ZNF578: variants seen among roughly 807,000 people sequenced by gnomAD.
ZNF578 encodes Putative chemokine-related protein B42.
A neutral mutation model predicts 8.3 loss-of-function variants in ZNF578; 8 were observed. That is an observed-to-expected ratio of 0.96 (90% CI 0.56 to 1.74). The LOEUF (loss-of-function observed/expected upper bound fraction) is 1.74, where lower values mean the gene tolerates loss of function less well. Among genes scored for constraint, ZNF578 ranks in the 40% most tolerant of loss-of-function variants. The probability of loss-of-function intolerance (pLI) is 0.00; values close to 1 mark genes in which losing one functional copy is unlikely to be tolerated. For missense variants in ZNF578, 726 were observed against 707.5 expected (o/e 1.03, Z -0.30); for synonymous variants, 206 against 232.2 (o/e 0.89, Z 1.03).
intron 2 of ZNF578, chr19:52,473,538 T>C: frequency 6.2e-6 from 1 of 160,890 alleles, no homozygotes; most frequent in Non-Finnish European, 1.4e-5. Flanking sequence ...GAATGCACAC[T>C]AAATGCTTAG....
chr19:52,510,813 A>G lies in ZNF578; in HGVS notation c.432A>G (p.Gln144=), dbSNP rs777054855. 3 of 1,614,090 alleles carry G rather than the reference A, an allele frequency of 1.9e-6. No homozygotes were observed. The highest frequency in any genetic ancestry group is 2.2e-5 in the East Asian group (1 of 44,894). ...TGGGTAGCACAGACCGACATGATCA[A>G]AGGCATGCTGGAAACAAGCCTATTA... ...ELMGSTDRHD[Q]RHAGNKPIKD... is the part of the protein sequence containing the mutation. The change falls in exon 6 of 6, where the codon CAA becomes CAG. Residue 144 remains glutamine (Q), a synonymous_variant. Transcript: ENST00000421239.
chr19:52,481,201 G>A (rs906001910), intron 2 of ZNF578, among the ~76,000 whole-genome samples: 1 of 152,090 alleles, frequency 6.6e-6, no homozygotes, highest in African/African-American at 2.4e-5. Flanking sequence ...ATCGGCTGCG[G>A]CAGACTCCTC....
Position 52,510,962 on chromosome 19 carries a change from A to G in ZNF578, c.581A>G (p.Gln194Arg), listed in dbSNP as rs1281301901. The G allele has an allele frequency of 5.0e-6, 8 of 1,614,198 alleles. No individual in the cohort carries two copies. The highest frequency in any genetic ancestry group is 6.8e-6 in the Non-Finnish European group (8 of 1,180,026). ...GATGCTTCCTCAATTTCAACATCCCAAAGAATTTCTTGTAGGCCTGAAACA... is the reference window on the plus strand; with the variant it reads ...GATGCTTCCTCAATTTCAACATCCCGAAGAATTTCTTGTAGGCCTGAAACA... ...VNDASSISTS[Q>R]RISCRPETHT... Residue 194 changes from glutamine to arginine, a missense_variant, in exon 6 of 6, where the codon CAA becomes CGA. Physicochemically the swap from Gln to Arg is conservative, Grantham distance 43. Transcript: ENST00000421239.
At chr19:52,508,370 G>T (rs1942959258) in intron 5 of ZNF578, among the ~76,000 whole-genome samples, 1 of 151,762 alleles carries the variant, frequency 6.6e-6, no homozygotes, top group African/African-American at 2.4e-5. Flanking sequence ...GAGAGAAAGA[G>T]AAAGTGAAAG....
In ZNF578 at chr19:52,511,365, A is replaced by G. The variant is rs762242627; in HGVS notation, c.984A>G (p.Ser328=). The G allele has an allele frequency of 1.2e-6, 2 of 1,614,002 alleles. No homozygotes were observed. The highest frequency in any genetic ancestry group is 2.7e-5 in the African/African-American group (2 of 74,938). Residue 328 remains serine (S), a synonymous_variant, in exon 6 of 6, where the codon TCA becomes TCG. Transcript: ENST00000421239. The stretch of plus-strand genomic sequence containing the variant: ...GTGGAAAGTCCTTCAGTTACAAGTC[A>G]TCCCTTACATGCCATCATAGGTGTC... The part of the protein sequence containing the change: ...NECGKSFSYK[S]SLTCHHRCHT...
chr19:52,506,086 A>G (rs1042088704), intron 5 of ZNF578, among the ~76,000 whole-genome samples: 11 of 151,996 alleles, frequency 7.2e-5, no homozygotes, highest in African/African-American at 2.4e-4. Flanking sequence ...TCTATTACAG[A>G]TGGCAGTTTC....
chr19:52,496,056 G>C (rs1170492248), intron 3 of ZNF578, among the ~76,000 whole-genome samples: 8 of 151,970 alleles, frequency 5.3e-5, no homozygotes, highest in Non-Finnish European at 8.8e-5. Context: ...GTCTCTCTCT[G>C]TCACGCAGGC....
At chr19:52,482,942 C>CAAA (rs35843945) in intron 2 of ZNF578, among the ~76,000 whole-genome samples, 3 of 55,440 alleles carry the variant, frequency 5.4e-5, no homozygotes, top group Non-Finnish European at 7.8e-5. Context: ...CTCTGTCTCC[C>CAAA]AAAAAAAAAA....
At position 52,512,969 on chromosome 19, in the gene ZNF578, CAA is replaced by C. The variant is rs1244152930; in HGVS notation, c.*816_*817del. Among the ~76,000 whole-genome samples, 4 of 151,664 alleles carry C rather than the reference CAA, an allele frequency of 2.6e-5. No homozygotes were observed. The highest frequency in any genetic ancestry group is 6.6e-5 in the Admixed American group (1 of 15,224). ...CCAAGGCACATAGGTCACTTGAGGT[CAA>C]GAGTTTGAAACAAGCATGGCCAAGA... On this transcript the variant is annotated 3_prime_UTR_variant, in exon 6 of 6. Transcript: ENST00000421239.
chr19:52,470,732 C>G (rs2059289351), intron 2 of ZNF578, among the ~76,000 whole-genome samples: 4 of 152,178 alleles, frequency 2.6e-5, no homozygotes, highest in Admixed American at 2.6e-4. Context: ...TCCTCCTGCC[C>G]TTGGAAATCA....
intron 5 of ZNF578, 70 bp from the exon 6 acceptor site, chr19:52,510,502 T>C: frequency 7.0e-7 from 1 of 1,436,360 alleles, no homozygotes; most frequent in Non-Finnish European, 9.2e-7. Flanking sequence ...TATTGTGTCA[T>C]ATTTACACAC....
At chr19:52,479,256 C>T (rs1430611027) in intron 2 of ZNF578, among the ~76,000 whole-genome samples, 1 of 151,982 alleles carries the variant, frequency 6.6e-6, no homozygotes, top group African/African-American at 2.4e-5. Context: ...TTTCCCAAGG[C>T]CGGGCGCAGT....
At chr19:52,467,353 C>T (rs2059278490) in intron 2 of ZNF578, among the ~76,000 whole-genome samples, 1 of 151,952 alleles carries the variant, frequency 6.6e-6, no homozygotes, top group African/African-American at 2.4e-5. Flanking sequence ...ACTTGTTGAG[C>T]CCGGGAGGTG....
intron 2 of ZNF578, among the ~76,000 whole-genome samples, chr19:52,488,945 A>G (rs1174712351): frequency 6.6e-6 from 1 of 151,834 alleles, no homozygotes; most frequent in African/African-American, 2.4e-5. Flanking sequence ...AAATACAAAA[A>G]TTAGCTGGCC....
In ZNF578 at chr19:52,500,602, C is replaced by T. The variant is rs1224057269; in HGVS notation, c.-19-1225C>T. Among the ~76,000 whole-genome samples the T allele has an allele frequency of 2.6e-5, 4 of 151,926 alleles. No homozygotes were observed. In the South Asian group the frequency reaches 6.2e-4, roughly 24 times the overall value. ...TTCACCATGTTGGCTGGGACGGTGT[C>T]GACCTCTTGACCCCAAGTGATCTGC... On this transcript the variant is annotated intron_variant, in intron 3 of 5. Transcript: ENST00000421239.
At chr19:52,508,629 T>C (rs1418710287) in intron 5 of ZNF578, among the ~76,000 whole-genome samples, 1 of 151,584 alleles carries the variant, frequency 6.6e-6, no homozygotes, top group Non-Finnish European at 1.5e-5. Context: ...AAACCCCATC[T>C]CTACTAAAAA....
At chr19:52,461,222 A>G (rs962522308) in intron 2 of ZNF578, among the ~76,000 whole-genome samples, 2 of 152,244 alleles carry the variant, frequency 1.3e-5, no homozygotes, top group Middle Eastern at 3.4e-3. Flanking sequence ...CTTTTTCCCA[A>G]TGATGTTCAG....
At chr19:52,506,226 T>C (rs1214301972) in intron 5 of ZNF578, among the ~76,000 whole-genome samples, 1 of 152,168 alleles carries the variant, frequency 6.6e-6, no homozygotes, top group African/African-American at 2.4e-5. Context: ...TAAGGCTGAA[T>C]AATACTCCAT....
chr19:52,486,809 T>C (rs2122863497), intron 2 of ZNF578, among the ~76,000 whole-genome samples: 1 of 151,330 alleles, frequency 6.6e-6, no homozygotes, highest in Non-Finnish European at 1.5e-5. Flanking sequence ...AGATTGAGGA[T>C]GATTGAAATA....
Sources: allele counts gnomAD v4.1 joint callset (sites outside exome capture counted in the v4.1 genomes callset), GRCh38; gene constraint gnomAD v4.1.1; transcripts MANE v1.5; gene names NCBI Gene and HGNC (gene_info 2026-07-23, HGNC 2026-07-21).